Variants in FXN observed in about 807,000 individuals in gnomAD.
FXN encodes frataxin.
In FXN, 14 loss-of-function variants were observed where a neutral mutation model predicts 22.4. That is an observed-to-expected ratio of 0.62 (90% CI 0.41 to 0.98). The LOEUF is 0.98. FXN is among the 50% of genes least tolerant of loss of function. The pLI is 0.00. For missense variants in FXN, 267 were observed against 268.4 expected (o/e 0.99, Z 0.04); for synonymous variants, 120 against 114.1 (o/e 1.05, Z -0.33).
chr9:69,040,696 A>G (rs555415525), intron 1 of FXN, among the ~76,000 whole-genome samples: 3 of 152,200 alleles, frequency 2.0e-5, no homozygotes, highest in Non-Finnish European at 4.4e-5. Context: ...ATAAATAAAT[A>G]TTTATACTGC....
Position 69,075,221 on chromosome 9 carries a change from G to A in FXN, c.*2459G>A, listed in dbSNP as rs1832343831. The A allele has an allele frequency of 2.4e-6, 2 of 848,016 alleles. No homozygotes were observed. Among genetic ancestry groups the A allele is most frequent in the Non-Finnish European group, 2.8e-6 (2 of 705,908 alleles). 52.5% of individuals were successfully genotyped at this position (848,016 alleles called of 1,614,324 possible). Reference sequence around the variant, plus strand: ...GCCTGTAATCCCAGCACTTTGGGAGGCTGAGGCAAGTGTATCACCTGAGGT... The same window carrying A: ...GCCTGTAATCCCAGCACTTTGGGAGACTGAGGCAAGTGTATCACCTGAGGT... On this transcript the variant is annotated 3_prime_UTR_variant, in exon 5 of 5. Transcript: ENST00000484259.
chr9:69,040,814 G>A (rs956510856), intron 1 of FXN, among the ~76,000 whole-genome samples: 1 of 152,182 alleles, frequency 6.6e-6, no homozygotes, highest in East Asian at 1.9e-4. Context: ...CCCTTGGGAG[G>A]TGATGAGGTA....
In FXN at chr9:69,078,661, C is replaced by T. The variant is rs1365411521; in HGVS notation, c.*5899C>T. 1 of 978,174 alleles carries T rather than the reference C, an allele frequency of 1.0e-6. No homozygotes were observed. The highest frequency in any genetic ancestry group is 1.2e-6 in the Non-Finnish European group (1 of 828,514). 60.6% of individuals were successfully genotyped at this position (978,174 alleles called of 1,614,324 possible). ...CTTTGACTCCAGCAATCCCAAATCCCCAGATCCCTAAGTGTGCTGTGCTAT... is the reference window on the plus strand; with the variant it reads ...CTTTGACTCCAGCAATCCCAAATCCTCAGATCCCTAAGTGTGCTGTGCTAT... On this transcript the variant is annotated 3_prime_UTR_variant, in exon 5 of 5. Transcript: ENST00000484259.
chr9:69,046,241 A>G, intron 1 of FXN, 144 bp from the exon 2 acceptor site: 1 of 686,594 alleles, frequency 1.5e-6, no homozygotes, highest in South Asian at 1.6e-5. Context: ...TTTTTAAGAA[A>G]AGCAACATAT....
intron 1 of FXN, among the ~76,000 whole-genome samples, chr9:69,037,608 A>G (rs528339107): frequency 6.6e-6 from 1 of 152,298 alleles, no homozygotes; most frequent in Non-Finnish European, 1.5e-5. Flanking sequence ...GCACTATCTG[A>G]GCTGCCACGT....
At chr9:69,067,653 A>AGC (rs1832195570) in intron 4 of FXN, among the ~76,000 whole-genome samples, 1 of 152,242 alleles carries the variant, frequency 6.6e-6, no homozygotes, top group Non-Finnish European at 1.5e-5. Context: ...TATCAACAAT[A>AGC]AAGATCATCC....
chr9:69,059,617 G>C (rs535960912), intron 3 of FXN, among the ~76,000 whole-genome samples: 2 of 151,722 alleles, frequency 1.3e-5, no homozygotes, highest in East Asian at 3.9e-4. Context: ...TGTTGGCCTG[G>C]CTGGTCTTGA....
At position 69,061,828 on chromosome 9, in the gene FXN, CA is replaced by C. The variant is rs1425781834; in HGVS notation, c.385-3109del. 9.9e-5 allele frequency among the ~76,000 whole-genome samples: 15 copies of C among 152,214 alleles called. No homozygotes were observed. The East Asian group carries it at 2.9e-3, about 29-fold the overall frequency. Reference sequence around the variant, plus strand: ...TACTGAGAATGATGATTTCCAGTTTCATCCATGTCCCTACAAAGGACATGAA... The same window carrying C: ...TACTGAGAATGATGATTTCCAGTTTCTCCATGTCCCTACAAAGGACATGAA... On this transcript the variant is annotated intron_variant, in intron 3 of 4. Transcript: ENST00000484259.
chr9:69,060,634 C>T (rs1463755485), intron 3 of FXN, among the ~76,000 whole-genome samples: 1 of 152,126 alleles, frequency 6.6e-6, no homozygotes, highest in East Asian at 1.9e-4. Flanking sequence ...TCACCACTTT[C>T]CTTCCAAAAT....
chr9:69,053,343 G>T, intron 3 of FXN, 83 bp downstream of exon 3: 3 of 1,495,608 alleles, frequency 2.0e-6, no homozygotes. Context: ...CTCCAGCAGA[G>T]CTAAGCATCA....
chr9:69,039,745 A>G lies in FXN; in HGVS notation c.165+3798A>G, dbSNP rs189826057. Among the ~76,000 whole-genome samples the G allele has an allele frequency of 1.6e-3, 245 of 152,274 alleles. 1 individual carries two copies. Among genetic ancestry groups the G allele is most frequent in the African/African-American group, 5.2e-3 (217 of 41,542 alleles). ...CGGAGACAGCTTCGAGAAGGAGATA[A>G]CTGGATGTTTCTTAGTCCATTTTCT... On this transcript the variant is annotated intron_variant, in intron 1 of 4. Coordinates refer to ENST00000484259, the MANE Select transcript of FXN (RefSeq NM_000144.5).
Position 69,074,888 on chromosome 9 carries a change from A to G in FXN, c.*2126A>G. ...CCAGTGAGAAAATAAATAACATCATACATGTTTGTATGTGTTTGCATCTTG... is the reference window on the plus strand; with the variant it reads ...CCAGTGAGAAAATAAATAACATCATGCATGTTTGTATGTGTTTGCATCTTG... On this transcript the variant is annotated 3_prime_UTR_variant, in exon 5 of 5. Transcript: ENST00000484259. 1.0e-6 allele frequency: 1 copy of G among 985,436 alleles called. No individual in the cohort carries two copies. The highest frequency in any genetic ancestry group is 1.2e-6 in the Non-Finnish European group (1 of 829,908). The allele number at this position is 985,436 out of a possible 1,614,324, so 61.0% of individuals were successfully genotyped here.
At chr9:69,041,774 C>A (rs1343867226) in intron 1 of FXN, among the ~76,000 whole-genome samples, 1 of 152,154 alleles carries the variant, frequency 6.6e-6, no homozygotes, top group East Asian at 1.9e-4. Context: ...CCTGAGACTT[C>A]AGGCCCAGAA....
chr9:69,040,584 C>T (rs1386957401), intron 1 of FXN, among the ~76,000 whole-genome samples: 1 of 152,186 alleles, frequency 6.6e-6, no homozygotes, highest in Non-Finnish European at 1.5e-5. Context: ...AGGAGAATGG[C>T]GTGAACCCGG....
intron 4 of FXN, among the ~76,000 whole-genome samples, chr9:69,069,191 C>G (rs1832226618): frequency 6.6e-6 from 1 of 152,200 alleles, no homozygotes; most frequent in African/African-American, 2.4e-5. Context: ...TAGTGAAACC[C>G]TGTCTCTACT....
chr9:69,058,999 C>T (rs1453759356), intron 3 of FXN, among the ~76,000 whole-genome samples: 6 of 151,780 alleles, frequency 4.0e-5, no homozygotes, highest in African/African-American at 1.5e-4. Context: ...ACCTGGGAGG[C>T]GGAGCTTGCA....
rs1380887429 is a variant in FXN, at chr9:69,074,462, C to A, written c.*1700C>A. On this transcript the variant is annotated 3_prime_UTR_variant, in exon 5 of 5. Coordinates refer to ENST00000484259, the MANE Select transcript of FXN (RefSeq NM_000144.5). ...GACGGGAGAATTGCTTGACCCCAGG[C>A]GGAGGAGGTTACAGTGAGTCGAGAT... 2.1e-6 allele frequency: 2 copies of A among 974,482 alleles called. No homozygotes were observed. The highest frequency in any genetic ancestry group is 3.6e-5 in the African/African-American group (2 of 55,566). The allele number at this position is 974,482 out of a possible 1,614,324, so 60.4% of individuals were successfully genotyped here.
intron 3 of FXN, among the ~76,000 whole-genome samples, chr9:69,058,035 T>C (rs1350139045): frequency 3.3e-5 from 5 of 152,218 alleles, no homozygotes; most frequent in African/African-American, 1.2e-4. Flanking sequence ...CTTTCGTTGA[T>C]GCCTCTCAGC....
Position 69,078,173 on chromosome 9 carries a change from GC to G in FXN, c.*5413del, listed in dbSNP as rs1832404847. 1 of 984,884 alleles carries G rather than the reference GC, an allele frequency of 1.0e-6. No homozygotes were observed. Among genetic ancestry groups the G allele is most frequent in the South Asian group, 4.7e-5 (1 of 21,272 alleles). The allele number at this position is 984,884 out of a possible 1,614,324, so 61.0% of individuals were successfully genotyped here. ...GGAGTCAGGATTTCTCTGTAAGATTGCCTAGGCTGTGTACTGCACATCTCCA... is the reference window on the plus strand; with the variant it reads ...GGAGTCAGGATTTCTCTGTAAGATTGCTAGGCTGTGTACTGCACATCTCCA... On this transcript the variant is annotated 3_prime_UTR_variant, in exon 5 of 5. Coordinates refer to ENST00000484259, the MANE Select transcript of FXN (RefSeq NM_000144.5).
Sources: allele counts gnomAD v4.1 joint callset (sites outside exome capture counted in the v4.1 genomes callset), GRCh38; gene constraint gnomAD v4.1.1; transcripts MANE v1.5; gene names NCBI Gene and HGNC (gene_info 2026-07-23, HGNC 2026-07-21).